The following PDE1C variants were observed in gnomAD, a reference collection of about 807,000 sequenced individuals.
PDE1C encodes dual specificity calcium/calmodulin-dependent 3',5'-cyclic nucleotide phosphodiesterase 1C.
PDE1C carries 62 observed loss-of-function variants against 93.1 expected under a neutral mutation model. The ratio of observed to expected loss-of-function variants is 0.67; its 90% confidence interval spans 0.54 to 0.82. The LOEUF is 0.82. Ranked by LOEUF, PDE1C falls within the 40% of genes least tolerant of loss-of-function variation. The pLI, the probability that PDE1C is intolerant of heterozygous loss-of-function variation, is 0.00. For missense variants in PDE1C, 742 were observed against 884.6 expected (o/e 0.84, Z 2.04); for synonymous variants, 325 against 310.1 (o/e 1.05, Z -0.50).
intron 1 of PDE1C, among the ~76,000 whole-genome samples, chr7:32,295,900 A>C (rs1242436528): frequency 6.6e-6 from 1 of 151,440 alleles, no homozygotes; most frequent in African/African-American, 2.4e-5. Context: ...TCTCAAAAAA[A>C]AAAAAAAAAA....
chr7:31,906,613 G>A (rs1800616318), intron 2 of PDE1C, among the ~76,000 whole-genome samples: 2 of 152,120 alleles, frequency 1.3e-5, no homozygotes, highest in Admixed American at 1.3e-4. Context: ...ACAAAGAGAA[G>A]GGATTCAGGA....
At chr7:32,009,967 CAA>C (rs1474240977) in intron 2 of PDE1C, among the ~76,000 whole-genome samples, 2 of 152,124 alleles carry the variant, frequency 1.3e-5, no homozygotes, top group Non-Finnish European at 2.9e-5. Flanking sequence ...ATAAATCTAA[CAA>C]GAGATTGTCA....
At chr7:31,868,224 G>T (rs979616051) in intron 6 of PDE1C, among the ~76,000 whole-genome samples, 12 of 152,092 alleles carry the variant, frequency 7.9e-5, no homozygotes, top group African/African-American at 2.9e-4. Context: ...CGAAGTCTTG[G>T]ATAAATAATT....
At chr7:31,898,863 A>AT (rs1326507174) in intron 2 of PDE1C, among the ~76,000 whole-genome samples, 1 of 152,094 alleles carries the variant, frequency 6.6e-6, no homozygotes, top group African/African-American at 2.4e-5. Flanking sequence ...TAATCCTTGG[A>AT]TTTTCAATGG....
At position 32,001,721 on chromosome 7, in the gene PDE1C, C is replaced by G. The variant is rs182621826; in HGVS notation, c.128+49833G>C. ...AAAAAAATTAGGGGAGGAGCTCAAT[C>G]AAAATCAAAATCCCAAGGCTCCAAG... On this transcript the variant is annotated intron_variant, in intron 2 of 17. Coordinates refer to ENST00000396191, the MANE Select transcript of PDE1C (RefSeq NM_001191057.4). 3.7e-3 allele frequency among the ~76,000 whole-genome samples: 567 copies of G among 152,236 alleles called. 1 individual carries two copies. The highest frequency in any genetic ancestry group is 0.013 in the African/African-American group (541 of 41,538).
At chr7:31,864,366 A>AT (rs1795027082) in intron 7 of PDE1C, among the ~76,000 whole-genome samples, 2 of 152,138 alleles carry the variant, frequency 1.3e-5, no homozygotes, top group Non-Finnish European at 2.9e-5. Flanking sequence ...CTTAAAAAAA[A>AT]ATTTTTAAAG....
At chr7:31,688,419 T>C in the PDE1C span, among the ~76,000 whole-genome samples, 1 of 152,192 alleles carries the variant, frequency 6.6e-6, no homozygotes, top group Non-Finnish European at 1.5e-5. Context: ...AGAAAACCGC[T>C]CAATGATAAG....
chr7:31,634,688 G>T, the PDE1C span, among the ~76,000 whole-genome samples: 10 of 152,146 alleles, frequency 6.6e-5, no homozygotes, highest in Admixed American at 1.3e-4. Context: ...GTCTAAGGAG[G>T]CATGAAAAAA....
the PDE1C span, chr7:31,695,729 G>A: frequency 3.4e-5 from 38 of 1,120,404 alleles, no homozygotes; most frequent in African/African-American, 6.0e-4. Flanking sequence ...AAAGTAATTT[G>A]TGCACTCCCC....
intron 2 of PDE1C, among the ~76,000 whole-genome samples, chr7:31,892,382 C>G (rs992747186): frequency 1.3e-5 from 2 of 152,228 alleles, no homozygotes; most frequent in African/African-American, 4.8e-5. Context: ...AACTCAGATG[C>G]TAGCAAATGG....
At chr7:31,638,950 A>G in the PDE1C span, among the ~76,000 whole-genome samples, 1 of 151,760 alleles carries the variant, frequency 6.6e-6, no homozygotes, top group African/African-American at 2.4e-5. Flanking sequence ...TAATTTTTGT[A>G]TTTTTTGGTA....
chr7:31,989,689 C>A (rs372706485), intron 2 of PDE1C, among the ~76,000 whole-genome samples: 1 of 152,196 alleles, frequency 6.6e-6, no homozygotes. Flanking sequence ...CTCATTAGAG[C>A]TATAGTTAGC....
rs1791237802 is a variant in PDE1C, at chr7:31,837,294, T to G, written c.1089A>C (p.Glu363Asp). The stretch of plus-strand genomic sequence containing the variant: ...GCATAAGGGATAAGGCTTTTGGCTT[T>G]TCAATGCTGTAAACCAAAAGCACCC... ...KTALQQPEAIEKPKALSLMLH... is the reference protein window; with the variant it reads ...KTALQQPEAIDKPKALSLMLH... The change falls in exon 11 of 18, where the codon GAA becomes GAC. Residue 363 changes from glutamate (E) to aspartate (D), a missense_variant. Glu to Asp is a conservative substitution (Grantham distance 45). Around this residue, in one of 4 missense-constraint regions of PDE1C, gnomAD observed 454 missense variants for 459.4 expected, o/e 0.99. Coordinates refer to ENST00000396191, the MANE Select transcript of PDE1C (RefSeq NM_001191057.4). 1.0e-5 allele frequency: 16 copies of G among 1,607,840 alleles called. No homozygotes were observed. Among genetic ancestry groups the G allele is most frequent in the Non-Finnish European group, 1.3e-5 (15 of 1,176,658 alleles).
chr7:31,632,394 C>G, the PDE1C span, among the ~76,000 whole-genome samples: 3 of 152,226 alleles, frequency 2.0e-5, no homozygotes, highest in African/African-American at 7.2e-5. Flanking sequence ...TTGCAATGAG[C>G]CGAGATTGTG....
Position 31,902,663 on chromosome 7 carries a change from A to G in PDE1C, c.129-21803T>C, listed in dbSNP as rs534937922. Among the ~76,000 whole-genome samples, 22 of 151,958 alleles carry G rather than the reference A, an allele frequency of 1.4e-4. No individual in the cohort carries two copies. The East Asian group carries it at 3.7e-3, about 25-fold the overall frequency. On this transcript the variant is annotated intron_variant, in intron 2 of 17. Coordinates refer to ENST00000396191, the MANE Select transcript of PDE1C (RefSeq NM_001191057.4). ...TATGGCAGCAAAGATGGAAAACAGC[A>G]AAGTTTCCACTAACAGGGAATTGAT...
At chr7:31,696,884 G>T in the PDE1C span, 1 of 1,458,814 alleles carries the variant, frequency 6.9e-7, no homozygotes, top group Non-Finnish European at 9.3e-7. Flanking sequence ...TTCACCAGAT[G>T]TCTATAAATA....
At chr7:31,688,187 C>T in the PDE1C span, among the ~76,000 whole-genome samples, 2 of 152,170 alleles carry the variant, frequency 1.3e-5, no homozygotes, top group Admixed American at 1.3e-4. Context: ...ATGGGTAATA[C>T]TCTCAACAAC....
chr7:31,808,370 T>C (rs1427051798), intron 16 of PDE1C: 1 of 264,748 alleles, frequency 3.8e-6, no homozygotes, highest in Non-Finnish European at 7.7e-6. Context: ...ACAATGAAGT[T>C]TATGTAAAAG....
chr7:32,263,357 GTGTGTGTC>G (rs1336735578), intron 1 of PDE1C, among the ~76,000 whole-genome samples: 9 of 151,932 alleles, frequency 5.9e-5, no homozygotes, highest in Non-Finnish European at 1.3e-4. Flanking sequence ...GCGGGTGTGT[GTGTGTGTC>G]TGTGTGTCTG....
Sources: allele counts gnomAD v4.1 joint callset (sites outside exome capture counted in the v4.1 genomes callset), GRCh38; gene constraint gnomAD v4.1.1; regional missense constraint gnomAD v4.1.1; transcripts MANE v1.5; gene names NCBI Gene and HGNC (gene_info 2026-07-23, HGNC 2026-07-21).